The following FOXO1 variants were observed in gnomAD, a reference collection of about 807,000 sequenced individuals.
FOXO1 encodes the protein forkhead box protein O1.
FOXO1 carries 6 observed loss-of-function variants against 44.1 expected under a neutral mutation model. That is an observed-to-expected ratio of 0.14 (90% confidence interval 0.07 to 0.27). The LOEUF is 0.27. Among genes scored for constraint, FOXO1 ranks in the 10% least tolerant of loss-of-function variants. FOXO1 has a pLI of 1.00. For missense variants in FOXO1, 737 were observed against 888.8 expected (o/e 0.83, Z 2.17); for synonymous variants, 380 against 362.7 (o/e 1.05, Z -0.54).
At chr13:40,619,843 C>T in intron 1 of FOXO1, 4 of 760,236 alleles carry the variant, frequency 5.3e-6, no homozygotes, top group South Asian at 1.4e-5. Context: ...TGGCAGCTAA[C>T]TCAGGCAAAG....
At chr13:40,585,343 G>GCGCGCGCACACA (rs10623475) in intron 1 of FOXO1, among the ~76,000 whole-genome samples, 61 of 147,128 alleles carry the variant, frequency 4.1e-4, no homozygotes, top group African/African-American at 1.5e-3. Flanking sequence ...CTGCGCGCGC[G>GCGCGCGCACACA]CACACACACA....
At chr13:40,639,323 A>G (rs891939874) in intron 1 of FOXO1, among the ~76,000 whole-genome samples, 1 of 152,210 alleles carries the variant, frequency 6.6e-6, no homozygotes, top group Non-Finnish European at 1.5e-5. Context: ...CTGATGGAAT[A>G]GGAGGTCAGA....
intron 1 of FOXO1, among the ~76,000 whole-genome samples, chr13:40,582,223 A>T (rs1386208361): frequency 2.0e-5 from 3 of 152,058 alleles, no homozygotes; most frequent in South Asian, 2.1e-4. Context: ...GCCATATTTT[A>T]AAAAAATAAT....
intron 1 of FOXO1, among the ~76,000 whole-genome samples, chr13:40,562,495 C>T (rs906709972): frequency 2.6e-5 from 4 of 152,094 alleles, no homozygotes; most frequent in Non-Finnish European, 5.9e-5. Flanking sequence ...AATTACAGAG[C>T]CTTATCAGGG....
At chr13:40,653,405 A>G (rs1877749565) in intron 1 of FOXO1, among the ~76,000 whole-genome samples, 1 of 152,154 alleles carries the variant, frequency 6.6e-6, no homozygotes, top group Non-Finnish European at 1.5e-5. Context: ...AGCCACTTGC[A>G]TGGCAGGCTT....
chr13:40,585,630 T>C (rs544652308), intron 1 of FOXO1, among the ~76,000 whole-genome samples: 1 of 152,342 alleles, frequency 6.6e-6, no homozygotes, highest in South Asian at 2.1e-4. Flanking sequence ...AAAAGTGGAA[T>C]GCGCTTTCAT....
intron 1 of FOXO1, among the ~76,000 whole-genome samples, chr13:40,617,282 C>T (rs993179464): frequency 3.3e-5 from 5 of 152,242 alleles, no homozygotes; most frequent in African/African-American, 9.6e-5. Flanking sequence ...CTCGCCTCTA[C>T]TAAAAATACA....
Position 40,618,065 on chromosome 13 carries a change from A to G in FOXO1, c.630+47518T>C, listed in dbSNP as rs140610485. On this transcript the variant is annotated intron_variant, in intron 1 of 2. Coordinates refer to ENST00000379561, the MANE Select transcript of FOXO1 (RefSeq NM_002015.4). ...CTAGATATTTCTTCCAGCGTACTGC[A>G]AGACCTGAAAACTTTTTATTTTTTT... Among the ~76,000 whole-genome samples, 6 of 152,294 alleles carry G rather than the reference A, an allele frequency of 3.9e-5. No homozygotes were observed. The East Asian group carries it at 1.2e-3, about 29-fold the overall frequency.
Position 40,577,760 on chromosome 13 carries a change from C to T in FOXO1, c.631-16900G>A, listed in dbSNP as rs569582560. On this transcript the variant is annotated intron_variant, in intron 1 of 2. Transcript: ENST00000379561. ...TTATACATGAACTTTTTGATCTATA[C>T]TCAATGCCTAGAACAGAACAGAGCC... 3.9e-5 allele frequency among the ~76,000 whole-genome samples: 6 copies of T among 152,202 alleles called. 1 individual carries two copies. The highest frequency in any genetic ancestry group is 3.9e-4 in the Admixed American group (6 of 15,276).
chr13:40,591,028 G>C (rs1227231838), intron 1 of FOXO1, among the ~76,000 whole-genome samples: 1 of 152,124 alleles, frequency 6.6e-6, no homozygotes, highest in Admixed American at 6.6e-5. Context: ...GGAGGATGGG[G>C]CCTGGGGACA....
chr13:40,559,951 T>G lies in FOXO1; in HGVS notation c.1540A>C (p.Asn514His), dbSNP rs1398543227. 4 of 1,614,034 alleles carry G rather than the reference T, an allele frequency of 2.5e-6. No individual in the cohort carries two copies. In the Admixed American group the frequency reaches 6.7e-5, roughly 27 times the overall value. The change falls in exon 2 of 3, where the codon AAC becomes CAC. Residue 514 changes from asparagine to histidine, a missense_variant. This residue lies in a region of FOXO1 where 283 missense variants were observed against 278.1 expected (regional missense o/e 1.02). Transcript: ENST00000379561. ...TGGGAGCTGGGATTCATCATTTTGT[T>G]ATGAGATGCCTGGCTGCCATAGGTT... ...MSTYGSQASH[N>H]KMMNPSSHTH...
intron 1 of FOXO1, among the ~76,000 whole-genome samples, chr13:40,613,748 C>A (rs1361273056): frequency 6.6e-6 from 1 of 152,182 alleles, no homozygotes; most frequent in Non-Finnish European, 1.5e-5. Context: ...AAGCGTGAGC[C>A]ACACCAGAGC....
intron 1 of FOXO1, among the ~76,000 whole-genome samples, chr13:40,577,393 T>A (rs951849664): frequency 6.6e-6 from 1 of 152,168 alleles, no homozygotes; most frequent in Admixed American, 6.5e-5. Flanking sequence ...TCCTTCCTGT[T>A]ACAAACCAAG....
Position 40,666,044 on chromosome 13 carries a change from C to A in FOXO1, c.169G>T (p.Gly57Cys). Residue 57 changes from glycine to cysteine, a missense_variant, in exon 1 of 3, where the codon GGC (glycine) becomes TGC (cysteine). Gly to Cys is a radical substitution (Grantham distance 159, BLOSUM62 -3). Around this residue, in one of 7 missense-constraint regions of FOXO1, gnomAD observed 213 missense variants for 236.4 expected, o/e 0.90. Coordinates refer to ENST00000379561, the MANE Select transcript of FOXO1 (RefSeq NM_002015.4). Reference protein sequence around the residue: ...SAAANPDAAAGLPSASAAAVS... With the variant: ...SAAANPDAAACLPSASAAAVS... ...GCGGCAGCCGAGGCCGAGGGCAGGC[C>A]CGCCGCGGCGTCGGGGTTGGCAGCC... The A allele has an allele frequency of 1.5e-6, 2 of 1,300,672 alleles. No individual in the cohort carries two copies. Among genetic ancestry groups the A allele is most frequent in the Non-Finnish European group, 1.9e-6 (2 of 1,027,632 alleles). The allele number at this position is 1,300,672 out of a possible 1,614,324, so 80.6% of individuals were successfully genotyped here.
chr13:40,614,593 C>G (rs1355733000), intron 1 of FOXO1, among the ~76,000 whole-genome samples: 3 of 152,190 alleles, frequency 2.0e-5, no homozygotes, highest in Non-Finnish European at 4.4e-5. Flanking sequence ...TCACAGTGCA[C>G]AGTGGAAGAT....
At chr13:40,612,549 G>A (rs571403414) in intron 1 of FOXO1, among the ~76,000 whole-genome samples, 1 of 152,268 alleles carries the variant, frequency 6.6e-6, no homozygotes, top group African/African-American at 2.4e-5. Flanking sequence ...AAGAAGGCTG[G>A]CCCAACAATT....
At chr13:40,620,174 A>C in intron 1 of FOXO1, 3 of 1,550,174 alleles carry the variant, frequency 1.9e-6, no homozygotes, top group Non-Finnish European at 1.8e-6. Context: ...GTAGAAGAAG[A>C]ATCCAGCAGA....
rs929596770 is a variant in FOXO1, at chr13:40,558,225, C to T, written c.*824G>A. ...CAAGCTGACTATGTAACAAAGTAGA[C>T]TCTAGTTTTAAGAAAACATTATTAC... On this transcript the variant is annotated 3_prime_UTR_variant, in exon 3 of 3. Coordinates refer to ENST00000379561, the MANE Select transcript of FOXO1 (RefSeq NM_002015.4). 2.6e-5 allele frequency: 4 copies of T among 152,590 alleles called. No homozygotes were observed. Among genetic ancestry groups the T allele is most frequent in the African/African-American group, 9.7e-5 (4 of 41,428 alleles). The allele number at this position is 152,590 out of a possible 1,614,324, so 9.5% of individuals were successfully genotyped here. A position where few individuals can be genotyped will look rare whatever the true frequency, so the allele number is the denominator to read the frequency against.
intron 1 of FOXO1, chr13:40,619,015 C>A: frequency 2.0e-6 from 1 of 504,296 alleles, no homozygotes. Flanking sequence ...GGCCGGACAC[C>A]GTGACTCATG....
Sources: allele counts gnomAD v4.1 joint callset (sites outside exome capture counted in the v4.1 genomes callset), GRCh38; gene constraint gnomAD v4.1.1; regional missense constraint gnomAD v4.1.1; transcripts MANE v1.5; gene names NCBI Gene and HGNC (gene_info 2026-07-23, HGNC 2026-07-21).